NTRK2: variants seen among roughly 807,000 people sequenced by gnomAD.
The protein encoded by NTRK2 is BDNF/NT-3 growth factors receptor.
In NTRK2, 13 loss-of-function variants were observed where a neutral mutation model predicts 94.5. That is an observed-to-expected ratio of 0.14 (90% CI 0.09 to 0.22). The LOEUF is 0.22. Ranked by LOEUF, NTRK2 falls within the 10% of genes least tolerant of loss-of-function variation. The pLI is 1.00. For missense variants in NTRK2, 639 were observed against 1,071.2 expected (o/e 0.60, Z 5.63); for synonymous variants, 372 against 407.4 (o/e 0.91, Z 1.05).
intron 12 of NTRK2, chr9:84,815,202 A>G: frequency 9.5e-7 from 1 of 1,057,194 alleles, no homozygotes; most frequent in Non-Finnish European, 1.1e-6. Context: ...TCTAAGTTGA[A>G]TTCAGGCTAG....
At chr9:84,914,629 A>G (rs533114808) in intron 14 of NTRK2, among the ~76,000 whole-genome samples, 5 of 152,240 alleles carry the variant, frequency 3.3e-5, no homozygotes, top group South Asian at 2.1e-4. Context: ...CTTTGTCCCT[A>G]TGGTGGTTCG....
At chr9:84,958,582 G>A (rs1418011303) in intron 17 of NTRK2, among the ~76,000 whole-genome samples, 1 of 152,170 alleles carries the variant, frequency 6.6e-6, no homozygotes, top group Non-Finnish European at 1.5e-5. Flanking sequence ...CTACTCGGTT[G>A]CAGTTGTAGG....
At chr9:85,011,176 G>A (rs953549587) in intron 17 of NTRK2, among the ~76,000 whole-genome samples, 4 of 152,130 alleles carry the variant, frequency 2.6e-5, no homozygotes, top group African/African-American at 9.7e-5. Flanking sequence ...TAATAGGGAA[G>A]CCACCAAGAG....
intron 14 of NTRK2, chr9:84,872,131 A>G (rs2075888426): frequency 7.8e-7 from 1 of 1,281,772 alleles, no homozygotes; most frequent in Non-Finnish European, 1.0e-6. Flanking sequence ...CTTTAACTCA[A>G]CTAGCTCGTT....
At chr9:84,894,760 T>C (rs530815015) in intron 14 of NTRK2, among the ~76,000 whole-genome samples, 3 of 152,204 alleles carry the variant, frequency 2.0e-5, no homozygotes, top group African/African-American at 7.2e-5. Flanking sequence ...CAGATAACTA[T>C]CAGTCATTTC....
At chr9:84,783,196 G>C (rs977107564) in intron 12 of NTRK2, among the ~76,000 whole-genome samples, 1 of 152,178 alleles carries the variant, frequency 6.6e-6, no homozygotes, top group African/African-American at 2.4e-5. Flanking sequence ...AGGGTGACCT[G>C]TGAAGGGACA....
intron 17 of NTRK2, among the ~76,000 whole-genome samples, chr9:84,957,932 T>C (rs933854286): frequency 6.6e-6 from 1 of 152,216 alleles, no homozygotes; most frequent in African/African-American, 2.4e-5. Context: ...AAGTACTGAT[T>C]CATGCTGCAA....
chr9:84,967,257 C>T (rs1825663607), intron 17 of NTRK2, among the ~76,000 whole-genome samples: 1 of 152,178 alleles, frequency 6.6e-6, no homozygotes, highest in South Asian at 2.1e-4. Context: ...CAGAGCACAC[C>T]ACCGCCCCTG....
intron 12 of NTRK2, among the ~76,000 whole-genome samples, chr9:84,833,329 A>G (rs1035450282): frequency 3.9e-5 from 6 of 152,162 alleles, no homozygotes; most frequent in Non-Finnish European, 7.3e-5. Flanking sequence ...TCTTGACAGC[A>G]GTCTCTTTTT....
At chr9:84,732,917 A>G (rs1383485754) in intron 9 of NTRK2, among the ~76,000 whole-genome samples, 1 of 152,140 alleles carries the variant, frequency 6.6e-6, no homozygotes, top group Admixed American at 6.5e-5. Flanking sequence ...AGCAACTCCT[A>G]ACTCCAGGAA....
intron 14 of NTRK2, among the ~76,000 whole-genome samples, chr9:84,896,146 G>C (rs1031042134): frequency 6.6e-6 from 1 of 152,170 alleles, no homozygotes; most frequent in Non-Finnish European, 1.5e-5. Flanking sequence ...TAATGCACGT[G>C]GCTCCATGTT....
chr9:84,798,940 A>ATATATATATATATATATATATG (rs1564302712), intron 12 of NTRK2, among the ~76,000 whole-genome samples: 1 of 117,804 alleles, frequency 8.5e-6, no homozygotes, highest in African/African-American at 2.8e-5. Flanking sequence ...ATATATATAT[A>ATATATATATATATATATATATG]TGCTTATTTA....
At chr9:84,672,787 C>T (rs139200772) in intron 2 of NTRK2, among the ~76,000 whole-genome samples, 1 of 152,258 alleles carries the variant, frequency 6.6e-6, no homozygotes, top group East Asian at 1.9e-4. Context: ...TCTTAGCTGC[C>T]TGATGTATAT....
intron 11 of NTRK2, among the ~76,000 whole-genome samples, chr9:84,750,110 G>A (rs990839033): frequency 6.6e-6 from 1 of 152,124 alleles, no homozygotes; most frequent in Non-Finnish European, 1.5e-5. Flanking sequence ...GGCACTATTG[G>A]CGTTTGGGGA....
At chr9:84,893,495 C>G (rs1448550933) in intron 14 of NTRK2, among the ~76,000 whole-genome samples, 1 of 152,066 alleles carries the variant, frequency 6.6e-6, no homozygotes. Flanking sequence ...TTCAGTGTCC[C>G]CAAAAGCCTG....
chr9:84,717,532 C>T (rs1290794855), intron 6 of NTRK2, among the ~76,000 whole-genome samples: 1 of 152,214 alleles, frequency 6.6e-6, no homozygotes, highest in Non-Finnish European at 1.5e-5. Context: ...CCTGGACAGA[C>T]AGATGTGGGC....
chr9:84,922,083 A>C (rs2077585218), intron 14 of NTRK2, among the ~76,000 whole-genome samples: 1 of 152,324 alleles, frequency 6.6e-6, no homozygotes, highest in South Asian at 2.1e-4. Flanking sequence ...GTGATAAATT[A>C]GGTTGAGCTA....
chr9:84,975,955 G>A (rs576300427), intron 17 of NTRK2, among the ~76,000 whole-genome samples: 1 of 152,208 alleles, frequency 6.6e-6, no homozygotes, highest in South Asian at 2.1e-4. Context: ...GGAAGGAGTG[G>A]TTATCTAGCC....
chr9:84,827,690 G>A (rs1420495342), intron 12 of NTRK2, among the ~76,000 whole-genome samples: 2 of 152,172 alleles, frequency 1.3e-5, no homozygotes, highest in Non-Finnish European at 2.9e-5. Flanking sequence ...TCAAATGTCT[G>A]ATTTTACGCT....
Sources: gnomAD v4.1 joint callset for allele counts (sites outside exome capture counted in the v4.1 genomes callset) on GRCh38, gnomAD v4.1.1 for gene constraint, MANE v1.5 for transcripts, NCBI Gene and HGNC (gene_info 2026-07-23, HGNC 2026-07-21) for gene names.